Variants in TAS2R1 observed in about 807,000 individuals in gnomAD.
TAS2R1 encodes taste 2 receptor member 1, also known as taste receptor type 2 member 1.
For missense variants in TAS2R1, 370 were observed against 353.4 expected (o/e 1.05, Z -0.38); for synonymous variants, 141 against 134.2 (o/e 1.05, Z -0.35).
the TAS2R1 span, among the ~76,000 whole-genome samples, chr5:9,866,083 T>A: frequency 4.6e-5 from 7 of 152,210 alleles, no homozygotes; most frequent in African/African-American, 1.7e-4. Context: ...ACATTGAGAC[T>A]TTTTATCTCT....
chr5:9,644,269 GAAATAAC>G (rs1467453357), intron 2 of TAS2R1, among the ~76,000 whole-genome samples: 1 of 152,176 alleles, frequency 6.6e-6, no homozygotes, highest in Non-Finnish European at 1.5e-5. Context: ...TGTGGAAGTA[GAAATAAC>G]AACTAAAGGC....
At chr5:9,714,395 ATGT>A (rs576961042), upstream of TAS2R1, among the ~76,000 whole-genome samples, 638 of 152,282 alleles carry the variant, frequency 4.2e-3, 4 homozygotes, top group Middle Eastern at 0.02. Context: ...GATGCATCTG[ATGT>A]TGTTATCTAA....
the TAS2R1 span, among the ~76,000 whole-genome samples, chr5:9,900,706 C>T: frequency 1.7e-4 from 26 of 150,546 alleles, 1 homozygote; most frequent in South Asian, 1.7e-3. Context: ...CTGCAAGCTC[C>T]GCGTCCCGGG....
chr5:9,723,460 TCTCAACTC>T, the TAS2R1 span, among the ~76,000 whole-genome samples: 8 of 152,132 alleles, frequency 5.3e-5, no homozygotes, highest in African/African-American at 1.7e-4. Flanking sequence ...GGCCAACTCC[TCTCAACTC>T]CTCAACTCCT....
the TAS2R1 span, among the ~76,000 whole-genome samples, chr5:9,885,457 T>G: frequency 6.6e-6 from 1 of 152,228 alleles, no homozygotes; most frequent in African/African-American, 2.4e-5. Context: ...TGGAATCCAA[T>G]CTCTAGCTAT....
chr5:9,833,857 T>C, the TAS2R1 span, among the ~76,000 whole-genome samples: 4 of 152,208 alleles, frequency 2.6e-5, no homozygotes, highest in Admixed American at 6.5e-5. Context: ...CATGTGAGAA[T>C]TGAGTTCCTG....
chr5:9,794,160 A>G, the TAS2R1 span, among the ~76,000 whole-genome samples: 4 of 152,176 alleles, frequency 2.6e-5, no homozygotes, highest in Admixed American at 6.5e-5. Context: ...TTATTCCAGC[A>G]TATTAGAGCA....
the TAS2R1 span, among the ~76,000 whole-genome samples, chr5:9,869,128 C>T: frequency 6.6e-6 from 1 of 152,194 alleles, no homozygotes; most frequent in Non-Finnish European, 1.5e-5. Flanking sequence ...CTGTTCCAAC[C>T]TCTGCCTGTT....
At chr5:9,877,900 A>G in the TAS2R1 span, among the ~76,000 whole-genome samples, 5 of 152,158 alleles carry the variant, frequency 3.3e-5, no homozygotes, top group African/African-American at 9.7e-5. Context: ...AGTTCTCACC[A>G]TAGGTTAGAG....
the TAS2R1 span, among the ~76,000 whole-genome samples, chr5:9,734,315 A>C: frequency 6.6e-6 from 1 of 152,192 alleles, no homozygotes; most frequent in Non-Finnish European, 1.5e-5. Flanking sequence ...TAGCAGCCCA[A>C]ACTGACTAAC....
chr5:9,798,889 G>C, the TAS2R1 span, among the ~76,000 whole-genome samples: 4 of 152,194 alleles, frequency 2.6e-5, no homozygotes, highest in Non-Finnish European at 5.9e-5. Context: ...CAGAGGTATA[G>C]ACAGAGCATG....
chr5:9,756,351 C>T, the TAS2R1 span, among the ~76,000 whole-genome samples: 17 of 152,186 alleles, frequency 1.1e-4, no homozygotes, highest in East Asian at 1.2e-3. Flanking sequence ...CAGGAGGATA[C>T]AATTCCCATT....
chr5:9,709,389 C>G (rs918757640), intron 1 of TAS2R1, among the ~76,000 whole-genome samples: 3 of 152,068 alleles, frequency 2.0e-5, no homozygotes, highest in African/African-American at 7.2e-5. Flanking sequence ...CCTAAAAGGT[C>G]CCTGCCTCAA....
In TAS2R1 at chr5:9,642,771, G is replaced by T. The variant is rs545736103; in HGVS notation, c.-80-12779C>A. Among the ~76,000 whole-genome samples, 6 of 152,180 alleles carry T rather than the reference G, an allele frequency of 3.9e-5. No homozygotes were observed. In the East Asian group the frequency reaches 9.7e-4, roughly 25 times the overall value. ...ATTGAATTTAAGTCTTCCACATAAA[G>T]AACTCAAAGTGCTTTACAAACAAGA... is the stretch of plus-strand genomic sequence containing the variant. On this transcript the variant is annotated intron_variant, in intron 2 of 2. Coordinates refer to the TAS2R1 transcript ENST00000506620.
the TAS2R1 span, among the ~76,000 whole-genome samples, chr5:9,741,697 C>T: frequency 2.0e-5 from 3 of 152,116 alleles, no homozygotes; most frequent in Admixed American, 1.3e-4. Flanking sequence ...AGTCCTCAGT[C>T]CTCAAGTCTG....
At chr5:9,648,983 G>A (rs1740252089) in intron 2 of TAS2R1, among the ~76,000 whole-genome samples, 2 of 152,134 alleles carry the variant, frequency 1.3e-5, no homozygotes, top group Admixed American at 6.5e-5. Flanking sequence ...TTTGACCTGA[G>A]GTCCACAATT....
At chr5:9,737,189 T>C in the TAS2R1 span, among the ~76,000 whole-genome samples, 9 of 152,184 alleles carry the variant, frequency 5.9e-5, no homozygotes, top group Non-Finnish European at 1.2e-4. Context: ...TCCTGCCCCA[T>C]TGTTTTCTGA....
the TAS2R1 span, among the ~76,000 whole-genome samples, chr5:9,824,218 CA>C: frequency 6.6e-6 from 1 of 152,220 alleles, no homozygotes; most frequent in Admixed American, 6.5e-5. Context: ...ATAAAACTGA[CA>C]GTAATTCCTG....
At chr5:9,722,219 C>T in the TAS2R1 span, among the ~76,000 whole-genome samples, 8 of 152,214 alleles carry the variant, frequency 5.3e-5, no homozygotes, top group African/African-American at 1.4e-4. Flanking sequence ...CCACAGGGGA[C>T]CCCTGAGGCC....
Sources: gnomAD v4.1 joint callset for allele counts (sites outside exome capture counted in the v4.1 genomes callset) on GRCh38, gnomAD v4.1.1 for gene constraint, MANE v1.5 for transcripts, NCBI Gene and HGNC (gene_info 2026-07-23, HGNC 2026-07-21) for gene names.